STXBP5: variants seen among roughly 807,000 people sequenced by gnomAD.
The protein encoded by STXBP5 is syntaxin-binding protein 5.
A neutral mutation model predicts 152.4 loss-of-function variants in STXBP5; 50 were observed. The observed-to-expected ratio is 0.33, with a 90% confidence interval of 0.26 to 0.42. The LOEUF (loss-of-function observed/expected upper bound fraction) is 0.42, where lower values mean the gene tolerates loss of function less well. Ranked by LOEUF, STXBP5 falls within the 10% of genes least tolerant of loss-of-function variation. The probability of loss-of-function intolerance (pLI) is 1.00; values close to 1 mark genes in which losing one functional copy is unlikely to be tolerated. For synonymous variants in STXBP5, 492 were observed against 494.7 expected (o/e 0.99, Z 0.07); for missense variants, 1,167 against 1,388.6 (o/e 0.84, Z 2.54).
In STXBP5 at chr6:147,327,191, C is replaced by A; in HGVS notation, c.1995C>A (p.Asn665Lys). 6.2e-7 allele frequency: 1 copy of A among 1,614,092 alleles called. No homozygotes were observed. Among genetic ancestry groups the A allele is most frequent in the South Asian group, 1.1e-5 (1 of 91,082 alleles). The change falls in exon 18 of 28, where the codon AAC becomes AAA. Residue 665 changes from asparagine (N) to lysine (K), a missense_variant. Coordinates refer to ENST00000321680, the MANE Select transcript of STXBP5 (RefSeq NM_001127715.4). Reference protein sequence around the residue: ...VDYLQKAVLLNLGTIELYGSN... With the variant: ...VDYLQKAVLLKLGTIELYGSN... ...ACCTCCAGAAAGCAGTGCTGCTCAACCTGGGCACTATTGAATTATATGGCT... is the reference window on the plus strand; with the variant it reads ...ACCTCCAGAAAGCAGTGCTGCTCAAACTGGGCACTATTGAATTATATGGCT...
At chr6:147,229,672 A>C (rs1344232567) in intron 2 of STXBP5, among the ~76,000 whole-genome samples, 1 of 151,958 alleles carries the variant, frequency 6.6e-6, no homozygotes, top group Non-Finnish European at 1.5e-5. Context: ...TTTATAGATC[A>C]TTCATTGCCA....
intron 21 of STXBP5, among the ~76,000 whole-genome samples, chr6:147,345,580 C>A (rs985943484): frequency 3.9e-5 from 6 of 152,112 alleles, no homozygotes; most frequent in African/African-American, 1.2e-4. Flanking sequence ...TTGAAACTCT[C>A]GGTATAAACA....
intron 18 of STXBP5, chr6:147,328,704 C>G (rs1562248981): frequency 2.1e-6 from 1 of 470,580 alleles, no homozygotes; most frequent in East Asian, 7.0e-5. Flanking sequence ...CTAAGGTGTG[C>G]TGATTGTGAC....
In STXBP5 at chr6:147,316,276, G is replaced by A. The variant is rs368961081; in HGVS notation, c.1671G>A (p.Pro557=). 9.9e-5 allele frequency: 160 copies of A among 1,613,760 alleles called. No homozygotes were observed. Among genetic ancestry groups the A allele is most frequent in the South Asian group, 1.2e-4 (11 of 91,080 alleles). The change falls in exon 16 of 28, where the codon CCG becomes CCA. Residue 557 remains proline, a synonymous_variant. Transcript: ENST00000321680. The part of the protein sequence containing the change: ...LLYEINDVET[P]EGEQPPPLPT... Reference sequence around the variant, plus strand: ...ATGAGATAAATGATGTGGAAACTCCGGAGGGTGAGCAGCCACCACCTTTGC... The same window carrying A: ...ATGAGATAAATGATGTGGAAACTCCAGAGGGTGAGCAGCCACCACCTTTGC...
At chr6:147,291,193 C>G (rs375323538) in intron 9 of STXBP5, 21 bp downstream of exon 9, 1 of 1,597,360 alleles carries the variant, frequency 6.3e-7, no homozygotes, top group Non-Finnish European at 8.6e-7. Flanking sequence ...ACTTCATTGC[C>G]AATGTTCATT....
At chr6:147,279,671 A>G (rs147235068) in intron 8 of STXBP5, among the ~76,000 whole-genome samples, 8 of 152,284 alleles carry the variant, frequency 5.3e-5, no homozygotes, top group African/African-American at 1.7e-4. Context: ...TCTATTTATG[A>G]GTGCATCTAG....
intron 21 of STXBP5, among the ~76,000 whole-genome samples, chr6:147,349,135 C>T (rs1213575136): frequency 6.6e-6 from 1 of 151,676 alleles, no homozygotes; most frequent in Non-Finnish European, 1.5e-5. Context: ...TAAGAGGATA[C>T]ATATTTACAT....
intron 9 of STXBP5, among the ~76,000 whole-genome samples, chr6:147,298,513 C>G (rs1781644822): frequency 6.6e-6 from 1 of 151,970 alleles, no homozygotes; most frequent in Non-Finnish European, 1.5e-5. Context: ...ATATTCCATC[C>G]AATAGCTGCA....
chr6:147,253,424 C>T (rs118119191), intron 4 of STXBP5, among the ~76,000 whole-genome samples: 5,383 of 152,282 alleles, frequency 0.035, 145 homozygotes, highest in Admixed American at 0.054. Flanking sequence ...CTCCCCACTC[C>T]TGTCCAACAT....
rs1474343499 is a variant in STXBP5, at chr6:147,267,113, A to G, written c.660A>G (p.Val220=). 1.2e-6 allele frequency: 2 copies of G among 1,611,508 alleles called. No individual in the cohort carries two copies. Among genetic ancestry groups the G allele is most frequent in the East Asian group, 2.2e-5 (1 of 44,710 alleles). ...TGATTGGCTTTGAATCTGGAACAGT[A>G]GTTTTATGGGACCTCAAATCAAAGA... ...KLLIGFESGT[V]VLWDLKSKKA... Residue 220 remains valine (V), a synonymous_variant, in exon 7 of 28, where the codon GTA becomes GTG. Transcript: ENST00000321680.
At chr6:147,253,454 G>A (rs574937508) in intron 4 of STXBP5, among the ~76,000 whole-genome samples, 18 of 152,292 alleles carry the variant, frequency 1.2e-4, no homozygotes, top group African/African-American at 2.6e-4. Context: ...AGTTCTGGCC[G>A]AGGCAGTCAG....
intron 8 of STXBP5, among the ~76,000 whole-genome samples, chr6:147,287,403 C>T (rs1006759697): frequency 5.3e-5 from 8 of 151,404 alleles, no homozygotes; most frequent in African/African-American, 1.2e-4. Context: ...GGGGTTTCAC[C>T]GTTTTAGCCG....
At chr6:147,212,249 A>G (rs1342947623) in intron 2 of STXBP5, among the ~76,000 whole-genome samples, 2 of 152,218 alleles carry the variant, frequency 1.3e-5, no homozygotes, top group African/African-American at 4.8e-5. Context: ...TATGTTAACT[A>G]TTGGAGATTC....
At chr6:147,309,667 T>C (rs532912922) in intron 9 of STXBP5, among the ~76,000 whole-genome samples, 1 of 152,184 alleles carries the variant, frequency 6.6e-6, no homozygotes, top group Admixed American at 6.5e-5. Flanking sequence ...CTTGATGCGT[T>C]CTTGAGAATT....
chr6:147,284,979 A>C (rs965365515), intron 8 of STXBP5, among the ~76,000 whole-genome samples: 1 of 152,200 alleles, frequency 6.6e-6, no homozygotes, highest in African/African-American at 2.4e-5. Context: ...TGCATTAATA[A>C]ATAATGGAGA....
intron 4 of STXBP5, among the ~76,000 whole-genome samples, chr6:147,252,740 T>C (rs1045278521): frequency 6.6e-6 from 1 of 151,878 alleles, no homozygotes; most frequent in Non-Finnish European, 1.5e-5. Context: ...ACGAAGATAC[T>C]CCTCGAGAAG....
At chr6:147,317,387 A>C (rs1270468423) in intron 16 of STXBP5, among the ~76,000 whole-genome samples, 3 of 152,132 alleles carry the variant, frequency 2.0e-5, no homozygotes, top group African/African-American at 7.2e-5. Context: ...TGTTTACAAA[A>C]ATTGAAGGTC....
rs1246388113 is a variant in STXBP5 at position 147,386,855 on chromosome 6, T to G, written c.*2100T>G. The G allele has an allele frequency of 1.3e-5, 2 of 151,784 alleles. No homozygotes were observed. The highest frequency in any genetic ancestry group is 4.8e-5 in the African/African-American group (2 of 41,420). The allele number at this position is 151,784 out of a possible 1,614,324, so 9.4% of individuals were successfully genotyped here. Reference sequence around the variant, plus strand: ...TTCCCTATCTATGTGGAAGGTCATATTAGCTGCAATTATTTAATTTGCTGT... The same window carrying G: ...TTCCCTATCTATGTGGAAGGTCATAGTAGCTGCAATTATTTAATTTGCTGT... On this transcript the variant is annotated 3_prime_UTR_variant, in exon 28 of 28. Transcript: ENST00000321680.
chr6:147,331,696 C>T (rs1783575846), intron 18 of STXBP5, among the ~76,000 whole-genome samples: 1 of 150,406 alleles, frequency 6.6e-6, no homozygotes, highest in Non-Finnish European at 1.5e-5. Context: ...AAGTTTAGAA[C>T]AGTTAAAATT....
Sources: allele counts gnomAD v4.1 joint callset (sites outside exome capture counted in the v4.1 genomes callset), GRCh38; gene constraint gnomAD v4.1.1; transcripts MANE v1.5; gene names NCBI Gene and HGNC (gene_info 2026-07-23, HGNC 2026-07-21).